Variants in SLC25A31 observed in about 807,000 individuals in gnomAD.
The protein encoded by SLC25A31 is ADP/ATP translocase 4.
In SLC25A31, 40 loss-of-function variants were observed where a neutral mutation model predicts 36.2. That is an observed-to-expected ratio of 1.10 (90% CI 0.86 to 1.44). SLC25A31 has a LOEUF of 1.44. Ranked by LOEUF, SLC25A31 falls within the 40% of genes most tolerant of loss-of-function variation. The pLI, the probability that SLC25A31 is intolerant of heterozygous loss-of-function variation, is 0.00. For missense variants in SLC25A31, 350 were observed against 397.1 expected (o/e 0.88, Z 1.01); for synonymous variants, 143 against 149.7 (o/e 0.96, Z 0.32).
At chr4:127,738,322 A>G (rs926995182) in intron 1 of SLC25A31, among the ~76,000 whole-genome samples, 11 of 152,194 alleles carry the variant, frequency 7.2e-5, no homozygotes, top group African/African-American at 2.2e-4. Context: ...AATTAAGCTC[A>G]GGCAATCTAC....
chr4:127,764,210 T>C lies in SLC25A31; in HGVS notation c.361-33T>C, dbSNP rs1464897719. 1.1e-5 allele frequency: 18 copies of C among 1,573,018 alleles called. No individual in the cohort carries two copies. The Admixed American group carries it at 1.7e-4, about 15-fold the overall frequency. On this transcript the variant is annotated intron_variant, in intron 2 of 5. Transcript: ENST00000281154. Reference sequence around the variant, plus strand: ...TATTTTAAACAGTTAGATTCTGTGGTTTAATAACCACTTTTAAATTAATAT... The same window carrying C: ...TATTTTAAACAGTTAGATTCTGTGGCTTAATAACCACTTTTAAATTAATAT...
intron 1 of SLC25A31, 68 bp from the exon 2 acceptor site, chr4:127,744,604 T>G: frequency 7.2e-7 from 1 of 1,390,058 alleles, no homozygotes; most frequent in Non-Finnish European, 9.6e-7. Context: ...TAGCTAAATT[T>G]GCTAAAACTA....
At position 127,730,728 on chromosome 4, in the gene SLC25A31, G is replaced by A. The variant is rs766523172; in HGVS notation, c.183G>A (p.Ala61=). 6.8e-6 allele frequency: 11 copies of A among 1,613,792 alleles called. No individual in the cohort carries two copies. The highest frequency in any genetic ancestry group is 1.1e-5 in the South Asian group (1 of 91,070). Reference sequence around the variant, plus strand: ...CGTCGAAGCAGATCAGCCCCGAGGCGCGGTACAAAGGCATGGTGGACTGCC... The same window carrying A: ...CGTCGAAGCAGATCAGCCCCGAGGCACGGTACAAAGGCATGGTGGACTGCC... The part of the protein sequence containing the change: ...QASSKQISPE[A]RYKGMVDCLV... The change falls in exon 1 of 6, where the codon GCG becomes GCA. Residue 61 remains alanine, a synonymous_variant. Coordinates refer to ENST00000281154, the MANE Select transcript of SLC25A31 (RefSeq NM_031291.4).
In SLC25A31 at chr4:127,758,787, G is replaced by A. The variant is rs537701356; in HGVS notation, c.361-5456G>A. 3.9e-5 allele frequency among the ~76,000 whole-genome samples: 6 copies of A among 152,238 alleles called. No homozygotes were observed. In the East Asian group the frequency reaches 1.2e-3, roughly 29 times the overall value. ...TTAAAGATCAGTTGAGTGTAGGTGTGTGGCCTTGTTTCTGGGTTCTTTATT... is the reference window on the plus strand; with the variant it reads ...TTAAAGATCAGTTGAGTGTAGGTGTATGGCCTTGTTTCTGGGTTCTTTATT... On this transcript the variant is annotated intron_variant, in intron 2 of 5. Transcript: ENST00000281154.
intron 4 of SLC25A31, among the ~76,000 whole-genome samples, chr4:127,767,817 T>TAGGAAAAAGAAAAATTGTAACAATGGC (rs1732274128): frequency 6.6e-6 from 1 of 152,050 alleles, no homozygotes; most frequent in African/African-American, 2.4e-5. Context: ...TAGGAAACTT[T>TAGGAAAAAGAAAAATTGTAACAATGGC]TTAAAGTACT....
Position 127,767,086 on chromosome 4 carries a change from A to G in SLC25A31, c.499A>G (p.Lys167Glu). Residue 167 changes from lysine (K) to glutamate (E), a missense_variant, in exon 4 of 6, where the codon AAG becomes GAG. Coordinates refer to ENST00000281154, the MANE Select transcript of SLC25A31 (RefSeq NM_031291.4). ...IGKGPEERQF[K>E]GLGDCIMKIA... ...TTTAGGTCCTGAGGAGCGACAATTC[A>G]AGGGTTTAGGTGACTGTATTATGAA... 1.9e-6 allele frequency: 3 copies of G among 1,611,322 alleles called. No homozygotes were observed. The highest frequency in any genetic ancestry group is 2.5e-6 in the Non-Finnish European group (3 of 1,179,092).
At chr4:127,749,325 A>T (rs1731882672) in intron 2 of SLC25A31, among the ~76,000 whole-genome samples, 2 of 152,206 alleles carry the variant, frequency 1.3e-5, no homozygotes, top group African/African-American at 2.4e-5. Context: ...ACAATGAAGA[A>T]AAAGGGGAAG....
chr4:127,744,487 A>G (rs371394278), intron 1 of SLC25A31, among the ~76,000 whole-genome samples, 185 bp from the exon 2 acceptor site: 19 of 152,324 alleles, frequency 1.2e-4, no homozygotes, highest in African/African-American at 4.3e-4. Context: ...AAAAAATGGA[A>G]TGGGGTTCAA....
chr4:127,773,474 G>C lies in SLC25A31; in HGVS notation c.848G>C (p.Gly283Ala). 1.2e-6 allele frequency: 2 copies of C among 1,613,832 alleles called. No individual in the cohort carries two copies. Among genetic ancestry groups the C allele is most frequent in the Non-Finnish European group, 1.7e-6 (2 of 1,179,902 alleles). The change falls in exon 6 of 6, where the codon GGC (glycine) becomes GCC (alanine). Residue 283 changes from glycine to alanine, a missense_variant. Gly to Ala is a moderately conservative substitution (Grantham distance 60). Coordinates refer to ENST00000281154, the MANE Select transcript of SLC25A31 (RefSeq NM_031291.4). ...GAAGGAATCAGTTCCTTTTTTCGTG[G>C]CGCCTTCTCCAATGTTCTTCGCGGT... ...QHEGISSFFR[G>A]AFSNVLRGTG...
intron 1 of SLC25A31, among the ~76,000 whole-genome samples, chr4:127,736,418 A>T (rs1399819216): frequency 6.6e-6 from 1 of 152,200 alleles, no homozygotes; most frequent in South Asian, 2.1e-4. Context: ...CAATTTTGTG[A>T]TATATATTAA....
chr4:127,764,358 A>G lies in SLC25A31; in HGVS notation c.476A>G (p.Lys159Arg). Residue 159 changes from lysine to arginine, a missense_variant and splice_region_variant, in exon 3 of 6, where the codon AAA (lysine) becomes AGA (arginine). Coordinates refer to ENST00000281154, the MANE Select transcript of SLC25A31 (RefSeq NM_031291.4). ...ACCCGATTAGGTGTCGATATTGGAA[A>G]AGGTATGAGATTTTTAGAAATACTA... ...ARTRLGVDIG[K>R]GPEERQFKGL... The G allele has an allele frequency of 1.2e-6, 2 of 1,606,550 alleles. No homozygotes were observed. The highest frequency in any genetic ancestry group is 1.7e-6 in the Non-Finnish European group (2 of 1,174,718).
chr4:127,736,585 C>G (rs772620956), intron 1 of SLC25A31, among the ~76,000 whole-genome samples: 2 of 152,162 alleles, frequency 1.3e-5, no homozygotes, highest in Admixed American at 6.5e-5. Context: ...CTCTAGACCT[C>G]GAGTCGAATG....
chr4:127,763,239 T>C (rs878889880), intron 2 of SLC25A31, among the ~76,000 whole-genome samples: 4 of 152,318 alleles, frequency 2.6e-5, no homozygotes, highest in Admixed American at 2.6e-4. Context: ...AGATCAGATA[T>C]TTCATGAAAG....
Position 127,773,525 on chromosome 4 carries a change from T to C in SLC25A31, c.899T>C (p.Leu300Ser), listed in dbSNP as rs552762938. 5.7e-5 allele frequency: 91 copies of C among 1,605,166 alleles called. 1 individual carries two copies. The South Asian group carries it at 9.7e-4, about 17-fold the overall frequency. ...RGTGGALVLV[L>S]YDKIKEFFHI... is the part of the protein sequence containing the mutation. ...ACAGGGGGTGCTTTGGTGTTGGTATTATATGATAAAATTAAAGAATTCTTT... is the reference window on the plus strand; with the variant it reads ...ACAGGGGGTGCTTTGGTGTTGGTATCATATGATAAAATTAAAGAATTCTTT... Residue 300 changes from leucine (L) to serine (S), a missense_variant, in exon 6 of 6, where the codon TTA becomes TCA. Leu to Ser is a moderately radical substitution (Grantham distance 145). Coordinates refer to ENST00000281154, the MANE Select transcript of SLC25A31 (RefSeq NM_031291.4).
chr4:127,735,366 T>C (rs1731604344), intron 1 of SLC25A31, among the ~76,000 whole-genome samples: 1 of 152,226 alleles, frequency 6.6e-6, no homozygotes, highest in Admixed American at 6.5e-5. Flanking sequence ...TTTAAATAAA[T>C]GTTTAACTTT....
intron 2 of SLC25A31, among the ~76,000 whole-genome samples, chr4:127,751,172 A>G (rs1420734685): frequency 6.6e-6 from 1 of 152,202 alleles, no homozygotes; most frequent in Non-Finnish European, 1.5e-5. Context: ...ACTTCAAACT[A>G]TACTACAAGG....
chr4:127,743,085 T>A (rs984030446), intron 1 of SLC25A31, among the ~76,000 whole-genome samples: 2 of 151,870 alleles, frequency 1.3e-5, no homozygotes, highest in Admixed American at 1.3e-4. Context: ...TGATTTTAAG[T>A]CTTGGTTGGC....
chr4:127,769,755 TAA>T (rs1228667584), intron 5 of SLC25A31, among the ~76,000 whole-genome samples: 1 of 152,160 alleles, frequency 6.6e-6, no homozygotes, highest in South Asian at 2.1e-4. Flanking sequence ...CCCAAATGCT[TAA>T]AATGATCAGA....
At position 127,764,815 on chromosome 4, in the gene SLC25A31, G is replaced by GAA. The variant is rs76298814; in HGVS notation, c.478+462_478+463dup. 2.6e-5 allele frequency among the ~76,000 whole-genome samples: 4 copies of GAA among 151,262 alleles called. No individual in the cohort carries two copies. In the East Asian group the frequency reaches 7.7e-4, roughly 29 times the overall value. The stretch of plus-strand genomic sequence containing the variant: ...CTTTGGTAACTTTTTGAGAAAGAGT[G>GAA]AAAAAAAATAAATTGAGCTCTTACA... On this transcript the variant is annotated intron_variant, in intron 3 of 5. Transcript: ENST00000281154.
Sources: allele counts gnomAD v4.1 joint callset (sites outside exome capture counted in the v4.1 genomes callset), GRCh38; gene constraint gnomAD v4.1.1; transcripts MANE v1.5; gene names NCBI Gene and HGNC (gene_info 2026-07-23, HGNC 2026-07-21).